Variants in DST observed in about 807,000 individuals in gnomAD.
DST encodes dystonin, also known as bullous pemphigoid antigen.
Under a neutral mutation model 875.2 loss-of-function variants are expected in DST, and 253 were observed. That is an observed-to-expected ratio of 0.29 (90% CI 0.26 to 0.32). DST has a LOEUF of 0.32. Among genes scored for constraint, DST ranks in the 10% least tolerant of loss-of-function variants. DST has a pLI of 1.00. For missense variants in DST, 8,287 were observed against 9,111.6 expected (o/e 0.91, Z 3.68); for synonymous variants, 3,124 against 3,197.1 (o/e 0.98, Z 0.77).
Position 56,939,764 on chromosome 6 carries a change from C to T in DST, c.216+14021G>A, listed in dbSNP as rs546513479. 8.6e-4 allele frequency among the ~76,000 whole-genome samples: 131 copies of T among 152,200 alleles called. 3 individuals carry two copies. The highest frequency in any genetic ancestry group is 3.0e-3 in the African/African-American group (126 of 41,542). On this transcript the variant is annotated intron_variant, in intron 2 of 103. Coordinates refer to ENST00000680361, the MANE Select transcript of DST (RefSeq NM_001374736.1). ...AAGCAGCCGGGCGTGGTGGCTCACG[C>T]CTGTAATCCCAGCACTTTGGGAGGC...
At chr6:56,642,276 A>C in intron 16 of DST, 134 bp downstream of exon 16, 1 of 873,930 alleles carries the variant, frequency 1.1e-6, no homozygotes, top group South Asian at 1.4e-5. Context: ...CACCAATCAT[A>C]ATCTTTAACA....
chr6:56,874,681 A>G (rs1778874476), intron 3 of DST, among the ~76,000 whole-genome samples: 1 of 152,220 alleles, frequency 6.6e-6, no homozygotes, highest in Admixed American at 6.5e-5. Context: ...TCTTTCCCAC[A>G]TGAGCCTGAA....
chr6:56,709,422 A>G (rs1462608144), intron 5 of DST, among the ~76,000 whole-genome samples: 1 of 152,224 alleles, frequency 6.6e-6, no homozygotes, highest in East Asian at 1.9e-4. Flanking sequence ...TTGTTAACCT[A>G]TAACTGTTTG....
Position 56,910,928 on chromosome 6 carries a change from T to C in DST, c.217-10307A>G, listed in dbSNP as rs538525806. On this transcript the variant is annotated intron_variant, in intron 2 of 103. Transcript: ENST00000680361. ...TCAGAGAGCCTTAATGTTTTCTAAATTGCAAATGAACTACAACTTAGGTGC... is the reference window on the plus strand; with the variant it reads ...TCAGAGAGCCTTAATGTTTTCTAAACTGCAAATGAACTACAACTTAGGTGC... Among the ~76,000 whole-genome samples the C allele has an allele frequency of 2.4e-4, 37 of 152,336 alleles. No homozygotes were observed. In the Middle Eastern group the frequency reaches 0.014, roughly 56 times the overall value.
chr6:56,843,108 A>T, intron 4 of DST: 1 of 1,572,676 alleles, frequency 6.4e-7, no homozygotes, highest in Non-Finnish European at 8.7e-7. Context: ...CTGCTCCTCC[A>T]CGTACAGGTA....
intron 10 of DST, among the ~76,000 whole-genome samples, chr6:56,670,237 T>G (rs1033054756): frequency 6.6e-5 from 10 of 152,018 alleles, no homozygotes; most frequent in Admixed American, 3.3e-4. Flanking sequence ...ATTTTTTTTT[T>G]TATTTTCTTA....
chr6:56,547,144 C>T (rs543118370), intron 61 of DST, among the ~76,000 whole-genome samples: 6 of 152,080 alleles, frequency 3.9e-5, no homozygotes, highest in African/African-American at 7.2e-5. Flanking sequence ...CAGCCCTTTC[C>T]GAGAAGTATG....
rs368961059 is a variant in DST at position 56,712,248 on chromosome 6, C to G, written c.688-7879G>C. ...ACTTATATAAATCTTTCTTTAAACTCTTTTTCACCTTAAAAAAATCATGGT... is the reference window on the plus strand; with the variant it reads ...ACTTATATAAATCTTTCTTTAAACTGTTTTTCACCTTAAAAAAATCATGGT... On this transcript the variant is annotated intron_variant, in intron 5 of 103. Transcript: ENST00000680361. Among the ~76,000 whole-genome samples, 15 of 152,176 alleles carry G rather than the reference C, an allele frequency of 9.9e-5. No homozygotes were observed. The East Asian group carries it at 1.9e-3, about 20-fold the overall frequency.
intron 3 of DST, among the ~76,000 whole-genome samples, chr6:56,859,858 A>G (rs994378285): frequency 6.6e-6 from 1 of 152,176 alleles, no homozygotes; most frequent in Admixed American, 6.5e-5. Flanking sequence ...TATGGCTCAT[A>G]GTAGAAAGTT....
chr6:56,515,707 C>T (rs528495688), intron 71 of DST, 39 bp from the exon 72 acceptor site: 1 of 1,503,016 alleles, frequency 6.7e-7, no homozygotes, highest in Admixed American at 2.0e-5. Context: ...CTGGTCAGGC[C>T]AACGAGCACA....
At position 56,619,911 on chromosome 6, in the gene DST, T is replaced by C. The variant is rs376587897; in HGVS notation, c.4929+4619A>G. On this transcript the variant is annotated intron_variant, in intron 36 of 103. Coordinates refer to ENST00000680361, the MANE Select transcript of DST (RefSeq NM_001374736.1). ...CTCATGTCTTGTTCAGCCTTTCTATTGGCAGCTGTTAGTTCATCTACCTGC... is the reference window on the plus strand; with the variant it reads ...CTCATGTCTTGTTCAGCCTTTCTATCGGCAGCTGTTAGTTCATCTACCTGC... 1.9e-6 allele frequency: 3 copies of C among 1,614,088 alleles called. No individual in the cohort carries two copies. The African/African-American group carries it at 4.0e-5, about 22-fold the overall frequency.
rs764572821 is a variant in DST, at chr6:56,607,496, T to C, written c.7132A>G (p.Asn2378Asp). 4 of 1,598,180 alleles carry C rather than the reference T, an allele frequency of 2.5e-6. No individual in the cohort carries two copies. In the South Asian group the frequency reaches 4.5e-5, roughly 18 times the overall value. ...NYENQSRVET[N>D]ERANECSHSK... Reference sequence around the variant, plus strand: ...TGACTACATTCATTTGCACGTTCATTTGTTTCCACTCGGCTTTGATTTTCA... The same window carrying C: ...TGACTACATTCATTTGCACGTTCATCTGTTTCCACTCGGCTTTGATTTTCA... Residue 2378 changes from asparagine to aspartate, a missense_variant, in exon 40 of 104, where the codon AAT (asparagine) becomes GAT (aspartate). By Grantham distance (23) the Asn-to-Asp change is conservative. Around this residue, in one of 10 missense-constraint regions of DST, gnomAD observed 3,138 missense variants for 3,116.6 expected, o/e 1.01. Transcript: ENST00000680361.
intron 49 of DST, among the ~76,000 whole-genome samples, chr6:56,588,213 A>G (rs1175039895): frequency 3.9e-5 from 6 of 152,238 alleles, no homozygotes; most frequent in East Asian, 1.9e-4. Flanking sequence ...AAAAGGTCCA[A>G]TGAAATCTAT....
rs564642901 is a variant in DST, at chr6:56,622,430, G to A, written c.4929+2100C>T. Among the ~76,000 whole-genome samples the A allele has an allele frequency of 3.9e-5, 6 of 152,010 alleles. No homozygotes were observed. The South Asian group carries it at 8.3e-4, about 21-fold the overall frequency. On this transcript the variant is annotated intron_variant, in intron 36 of 103. Transcript: ENST00000680361. ...CTAAAAATAGAAAAATTAGCCCGGCGTGGTGGCAGGCGGCAGGCGCCTGTA... is the reference window on the plus strand; with the variant it reads ...CTAAAAATAGAAAAATTAGCCCGGCATGGTGGCAGGCGGCAGGCGCCTGTA...
intron 3 of DST, among the ~76,000 whole-genome samples, chr6:56,868,904 T>C (rs1343157812): frequency 6.6e-6 from 1 of 152,202 alleles, no homozygotes; most frequent in African/African-American, 2.4e-5. Context: ...ACATGAATTC[T>C]ACCCTCTGTG....
intron 4 of DST, among the ~76,000 whole-genome samples, chr6:56,824,874 T>TG (rs1394732612): frequency 1.6e-4 from 24 of 147,242 alleles, no homozygotes; most frequent in East Asian, 4.2e-4. Context: ...GGGAGGGAGG[T>TG]GGGGGGGTCA....
At chr6:56,492,098 C>T (rs867457173) in intron 85 of DST, 129 bp downstream of exon 85, 6 of 848,750 alleles carry the variant, frequency 7.1e-6, no homozygotes, top group Middle Eastern at 4.6e-4. Context: ...AGGAAAGAAC[C>T]ACCATGGCAC....
chr6:56,913,733 A>C (rs1329489312), intron 2 of DST, among the ~76,000 whole-genome samples: 1 of 152,200 alleles, frequency 6.6e-6, no homozygotes, highest in Non-Finnish European at 1.5e-5. Context: ...CTCAGTCAAC[A>C]ACCTAGTCTA....
intron 69 of DST, among the ~76,000 whole-genome samples, chr6:56,523,043 A>T (rs1583940683): frequency 6.6e-6 from 1 of 152,144 alleles, no homozygotes. Flanking sequence ...TGTATTGTAA[A>T]AGGGAGGCAG....
Sources: allele counts gnomAD v4.1 joint callset (sites outside exome capture counted in the v4.1 genomes callset), GRCh38; gene constraint gnomAD v4.1.1; regional missense constraint gnomAD v4.1.1; transcripts MANE v1.5; gene names NCBI Gene and HGNC (gene_info 2026-07-23, HGNC 2026-07-21).